The following SSC4D variants were observed in gnomAD, a reference collection of about 807,000 sequenced individuals.
SSC4D encodes the protein scavenger receptor cysteine rich family member with 4 domains.
In SSC4D, 57 loss-of-function variants were observed where a neutral mutation model predicts 63.4. The observed-to-expected ratio is 0.90, with a 90% CI of 0.73 to 1.12. SSC4D has a LOEUF of 1.12. SSC4D is among the 50% of genes most tolerant of loss of function. The probability of loss-of-function intolerance (pLI) is 0.00; values close to 1 mark genes in which losing one functional copy is unlikely to be tolerated. For missense variants in SSC4D, 791 were observed against 806.4 expected, an observed-to-expected ratio of 0.98 and a Z score of 0.23; for synonymous variants, 352 against 345.4, an observed-to-expected ratio of 1.02 and a Z score of -0.21.
intron 1 of SSC4D, among the ~76,000 whole-genome samples, chr7:76,409,081 G>A (rs1038132062): frequency 6.6e-6 from 1 of 152,166 alleles, no homozygotes; most frequent in Non-Finnish European, 1.5e-5. Flanking sequence ...GGTAGCTATT[G>A]TTATCATTAC....
chr7:76,392,464 C>T (rs1420921755), intron 9 of SSC4D, among the ~76,000 whole-genome samples: 1 of 150,392 alleles, frequency 6.6e-6, no homozygotes, highest in Non-Finnish European at 1.5e-5. Context: ...GCAGGAGAAT[C>T]GCTTGAACCT....
rs188704513 is a variant in SSC4D, at chr7:76,402,731, G to A, written c.133+1576C>T. Among the ~76,000 whole-genome samples the A allele has an allele frequency of 8.5e-5, 13 of 152,106 alleles. No homozygotes were observed. In the East Asian group the frequency reaches 2.3e-3, roughly 27 times the overall value. ...GTTGCCCAGGCTAGAGTGCAATGGTGCCATCTTTGCTCACCGCAACCTCCC... is the reference window on the plus strand; with the variant it reads ...GTTGCCCAGGCTAGAGTGCAATGGTACCATCTTTGCTCACCGCAACCTCCC... On this transcript the variant is annotated intron_variant, in intron 2 of 10. Coordinates refer to ENST00000275560, the MANE Select transcript of SSC4D (RefSeq NM_080744.2).
chr7:76,407,480 T>C (rs978215939), intron 1 of SSC4D, among the ~76,000 whole-genome samples: 1 of 149,864 alleles, frequency 6.7e-6, no homozygotes, highest in Non-Finnish European at 1.5e-5. Context: ...TACAGGCGGG[T>C]ATCACCACGC....
At chr7:76,405,342 T>TCTTTCTTTCTTTC (rs1254961705) in intron 1 of SSC4D, among the ~76,000 whole-genome samples, 22 of 85,878 alleles carry the variant, frequency 2.6e-4, no homozygotes, top group African/African-American at 3.2e-4. Flanking sequence ...TTTCTTTCTT[T>TCTTTCTTTCTTTC]TTTTTTTTTT....
intron 5 of SSC4D, 128 bp from the exon 6 acceptor site, chr7:76,397,960 C>T: frequency 1.0e-6 from 1 of 982,568 alleles, no homozygotes; most frequent in South Asian, 1.7e-5. Flanking sequence ...GCCCAGGGTA[C>T]CGCCTCCTTG....
chr7:76,406,410 G>T (rs991209386), intron 1 of SSC4D, among the ~76,000 whole-genome samples: 30 of 151,970 alleles, frequency 2.0e-4, no homozygotes, highest in African/African-American at 7.3e-4. Context: ...AAGGACTCTG[G>T]TTTTCCGTTT....
Position 76,397,838 on chromosome 7 carries a change from G to A in SSC4D, c.554-6C>T, listed in dbSNP as rs1804692108. ...CAGGCGTACGCTGCCCTCACCTGGG[G>A]ATGGGGGCGGGGGTCAGGGCGCATC... On this transcript the variant is annotated splice_polypyrimidine_tract_variant and splice_region_variant and intron_variant, in intron 5 of 10. Transcript: ENST00000275560. The A allele has an allele frequency of 6.4e-7, 1 of 1,550,402 alleles. No individual in the cohort carries two copies. The highest frequency in any genetic ancestry group is 2.0e-5 in the Admixed American group (1 of 51,260).
In SSC4D at chr7:76,400,434, C is replaced by T. The variant is rs760458748; in HGVS notation, c.327G>A (p.Arg109=). The change falls in exon 4 of 11, where the codon CGG becomes CGA. Residue 109 remains arginine (R), a synonymous_variant. Coordinates refer to ENST00000275560, the MANE Select transcript of SSC4D (RefSeq NM_080744.2). ...CTCGGCCTTGGCCAAAGGCAAGGGG[C>T]CGTGGCACGGGCAGTGCCAGGCCAC... is the stretch of plus-strand genomic sequence containing the variant. ...LGCGLALPVP[R]PLAFGQGRGP... is the part of the protein sequence containing the mutation. 6.2e-7 allele frequency: 1 copy of T among 1,606,982 alleles called. No individual in the cohort carries two copies. The highest frequency in any genetic ancestry group is 8.5e-7 in the Non-Finnish European group (1 of 1,175,784).
Position 76,400,472 on chromosome 7 carries a change from G to T in SSC4D, c.289C>A (p.Arg97Ser). 8 of 1,608,022 alleles carry T rather than the reference G, an allele frequency of 5.0e-6. No homozygotes were observed. Among genetic ancestry groups the T allele is most frequent in the African/African-American group, 1.3e-5 (1 of 74,922 alleles). The change falls in exon 4 of 11, where the codon CGC (arginine) becomes AGC (serine). Residue 97 changes from arginine (R) to serine (S), a missense_variant. By Grantham distance (110) the Arg-to-Ser change is moderately radical. Coordinates refer to ENST00000275560, the MANE Select transcript of SSC4D (RefSeq NM_080744.2). ...AGTGCCAGGCCACAGCCCAGCTGGCGACACACTACGTTGGCGTCCACCACG... is the reference window on the plus strand; with the variant it reads ...AGTGCCAGGCCACAGCCCAGCTGGCTACACACTACGTTGGCGTCCACCACG... ...WDVVDANVVC[R>S]QLGCGLALPV...
In SSC4D at chr7:76,398,309, A is replaced by T. The variant is rs1035674867; in HGVS notation, c.553+411T>A. 4.0e-3 allele frequency among the ~76,000 whole-genome samples: 509 copies of T among 127,150 alleles called. 1 individual carries two copies. The highest frequency in any genetic ancestry group is 6.1e-3 in the Non-Finnish European group (362 of 59,656). 83.4% of individuals were successfully genotyped at this position (127,150 alleles called of 152,430 possible). A position where few individuals can be genotyped will look rare whatever the true frequency, so the allele number is the denominator to read the frequency against. ...CAGTCTCACCGCCCATTCATTTTCTATTTTTTTTTTTTTTTTTTGAGACAG... is the reference window on the plus strand; with the variant it reads ...CAGTCTCACCGCCCATTCATTTTCTTTTTTTTTTTTTTTTTTTTGAGACAG... On this transcript the variant is annotated intron_variant, in intron 5 of 10. Transcript: ENST00000275560.
Position 76,393,389 on chromosome 7 carries a change from T to TCGCTGTCAGCCTCACCTG in SSC4D, c.1331_1333+15dup. 1 of 1,346,230 alleles carries TCGCTGTCAGCCTCACCTG rather than the reference T, an allele frequency of 7.4e-7. No individual in the cohort carries two copies. The highest frequency in any genetic ancestry group is 1.8e-5 in the South Asian group (1 of 56,060). The allele number at this position is 1,346,230 out of a possible 1,614,324, so 83.4% of individuals were successfully genotyped here. The stretch of plus-strand genomic sequence containing the variant: ...CGCGGCCCCGCTGTCAGCCTCACCT[T>TCGCTGTCAGCCTCACCTG]CGCTGTCAGCCTCACCTGCGCAGAG... On this transcript the variant is annotated intron_variant, in intron 9 of 10. Transcript: ENST00000275560.
chr7:76,406,079 G>A (rs537079432), intron 1 of SSC4D, among the ~76,000 whole-genome samples: 24 of 152,070 alleles, frequency 1.6e-4, no homozygotes, highest in Middle Eastern at 3.4e-3. Flanking sequence ...TCTGCCTCCC[G>A]GGTTCAAGCG....
In SSC4D at chr7:76,400,290, A is replaced by G; in HGVS notation, c.471T>C (p.Cys157=). Residue 157 remains cysteine, a synonymous_variant, in exon 4 of 11, where the codon TGT becomes TGC. Transcript: ENST00000275560. The stretch of plus-strand genomic sequence containing the variant: ...AGGTCCCAGGGCTCCACTCACCATC[A>G]CACAGGACAGCCACATCCTCGTAGT... ...CFHYEDVAVL[C]DEFLPTQPPT... 6.8e-7 allele frequency: 1 copy of G among 1,478,520 alleles called. No homozygotes were observed. Among genetic ancestry groups the G allele is most frequent in the South Asian group, 1.4e-5 (1 of 71,166 alleles). The allele number at this position is 1,478,520 out of a possible 1,614,324, so 91.6% of individuals were successfully genotyped here.
chr7:76,408,054 G>T (rs1404196966), intron 1 of SSC4D, among the ~76,000 whole-genome samples: 2 of 152,160 alleles, frequency 1.3e-5, no homozygotes, highest in Non-Finnish European at 1.5e-5. Flanking sequence ...GCATCCATTT[G>T]GCTCCCAGCC....
At chr7:76,406,157 T>G (rs1805022915) in intron 1 of SSC4D, among the ~76,000 whole-genome samples, 1 of 152,034 alleles carries the variant, frequency 6.6e-6, no homozygotes, top group African/African-American at 2.4e-5. Context: ...GGCTCATTTT[T>G]TGTAGAGATG....
At chr7:76,390,747 G>A (rs956528252) in intron 10 of SSC4D, among the ~76,000 whole-genome samples, 1 of 152,198 alleles carries the variant, frequency 6.6e-6, no homozygotes, top group African/African-American at 2.4e-5. Context: ...AACCCAGGAG[G>A]TGGAGCTTGC....
chr7:76,391,918 A>C, intron 10 of SSC4D, 46 bp downstream of exon 10: 1 of 1,548,892 alleles, frequency 6.5e-7, no homozygotes, highest in East Asian at 2.4e-5. Flanking sequence ...CAGGTCCTTA[A>C]GACCCCGATG....
chr7:76,401,292 C>T (rs1804821161), intron 2 of SSC4D, among the ~76,000 whole-genome samples: 1 of 152,168 alleles, frequency 6.6e-6, no homozygotes, highest in African/African-American at 2.4e-5. Flanking sequence ...TGTAGATCTG[C>T]ACATCTCAAA....
At chr7:76,397,328 A>G (rs1804665273) in intron 6 of SSC4D, among the ~76,000 whole-genome samples, 190 bp downstream of exon 6, 1 of 152,222 alleles carries the variant, frequency 6.6e-6, no homozygotes, top group Non-Finnish European at 1.5e-5. Flanking sequence ...GTTCTGGGAT[A>G]TTCGGAGGCA....
Sources: allele counts gnomAD v4.1 joint callset (sites outside exome capture counted in the v4.1 genomes callset), GRCh38; gene constraint gnomAD v4.1.1; transcripts MANE v1.5; gene names NCBI Gene and HGNC (gene_info 2026-07-23, HGNC 2026-07-21).